Variants in MTHFD2L observed in about 807,000 individuals in gnomAD.
The protein encoded by MTHFD2L is methylenetetrahydrofolate dehydrogenase (NADP+ dependent) 2 like.
MTHFD2L carries 29 observed loss-of-function variants against 34.9 expected under a neutral mutation model. The observed-to-expected ratio is 0.83, with a 90% CI of 0.62 to 1.13. The LOEUF is 1.13. Among genes scored for constraint, MTHFD2L ranks in the 50% most tolerant of loss-of-function variants. The pLI, the probability that MTHFD2L is intolerant of heterozygous loss-of-function variation, is 0.00. For synonymous variants in MTHFD2L, 167 were observed against 155.7 expected (o/e 1.07, Z -0.54); for missense variants, 481 against 446.5 (o/e 1.08, Z -0.70).
chr4:74,269,472 TAATG>T (rs935467854), intron 6 of MTHFD2L, among the ~76,000 whole-genome samples: 1 of 152,018 alleles, frequency 6.6e-6, no homozygotes, highest in African/African-American at 2.4e-5. Flanking sequence ...CTAAATATCA[TAATG>T]GGAGTTTACA....
intron 6 of MTHFD2L, among the ~76,000 whole-genome samples, chr4:74,259,589 C>T (rs1024211687): frequency 1.3e-5 from 2 of 152,182 alleles, no homozygotes; most frequent in Non-Finnish European, 2.9e-5. Context: ...ATAGTTCTTC[C>T]TAAGAGAAGT....
At position 74,175,366 on chromosome 4, in the gene MTHFD2L, A is replaced by G; in HGVS notation, c.414A>G (p.Pro138=). 6.2e-7 allele frequency: 1 copy of G among 1,612,892 alleles called. No homozygotes were observed. The highest frequency in any genetic ancestry group is 8.5e-7 in the Non-Finnish European group (1 of 1,179,222). Residue 138 remains proline (P), a synonymous_variant, in exon 3 of 8, where the codon CCA becomes CCG. Coordinates refer to ENST00000325278, the MANE Select transcript of MTHFD2L (RefSeq NM_001144978.3). The part of the protein sequence containing the change: ...LDVTDQLNMD[P]RVSGILVQLP... The stretch of plus-strand genomic sequence containing the variant: ...TAACTGATCAATTGAATATGGACCC[A>G]AGAGTCAGCGGTATATTAGTTCAGT...
intron 1 of MTHFD2L, among the ~76,000 whole-genome samples, chr4:74,167,570 A>G (rs1289546146): frequency 6.6e-6 from 1 of 152,218 alleles, no homozygotes; most frequent in African/African-American, 2.4e-5. Context: ...CCCAGGGTAC[A>G]GGGTTGGGAA....
At chr4:74,212,546 G>A (rs10034906) in intron 5 of MTHFD2L, among the ~76,000 whole-genome samples, 7,911 of 152,218 alleles carry the variant, frequency 0.052, 456 homozygotes, top group African/African-American at 0.14. Context: ...TGATTGCACT[G>A]GGGTCTGAGA....
intron 3 of MTHFD2L, among the ~76,000 whole-genome samples, chr4:74,189,713 A>T (rs955742897): frequency 6.6e-6 from 1 of 152,050 alleles, no homozygotes; most frequent in Non-Finnish European, 1.5e-5. Context: ...TTGTTATATC[A>T]TCTAACTTGA....
intron 7 of MTHFD2L, among the ~76,000 whole-genome samples, chr4:74,290,170 A>T (rs181018059): frequency 6.6e-6 from 1 of 152,224 alleles, no homozygotes; most frequent in Non-Finnish European, 1.5e-5. Flanking sequence ...TTGAGACTCC[A>T]TCTGGCGAAA....
chr4:74,280,399 C>T (rs1006084725), intron 6 of MTHFD2L: 1 of 152,116 alleles, frequency 6.6e-6, no homozygotes, highest in Admixed American at 6.6e-5. Flanking sequence ...CAGTTGACAG[C>T]CTTAGCTATG....
chr4:74,148,097 C>T (rs1231377607), intron 1 of MTHFD2L, among the ~76,000 whole-genome samples: 1 of 151,984 alleles, frequency 6.6e-6, no homozygotes, highest in Non-Finnish European at 1.5e-5. Context: ...TCCAGTTTTC[C>T]TAACACCATT....
chr4:74,218,027 G>A (rs112096146), intron 5 of MTHFD2L, among the ~76,000 whole-genome samples: 2,920 of 152,132 alleles, frequency 0.019, 92 homozygotes, highest in African/African-American at 0.067. Context: ...TTCTAACATG[G>A]AACCTAGCAC....
intron 3 of MTHFD2L, chr4:74,190,360 GC>G (rs1443539662): frequency 4.7e-6 from 2 of 425,732 alleles, no homozygotes; most frequent in African/African-American, 4.3e-5. Flanking sequence ...AGCAACCTTT[GC>G]GTGATGTGTA....
In MTHFD2L at chr4:74,200,150, A is replaced by G. The variant is rs1473084622; in HGVS notation, c.604+204A>G. 2.0e-5 allele frequency among the ~76,000 whole-genome samples: 3 copies of G among 152,240 alleles called. No homozygotes were observed. The South Asian group carries it at 6.2e-4, about 32-fold the overall frequency. ...ACACAGTAAAACCCTGTCTCTACTAAAAATACAAAAAATTAGCCAGGTGTG... is the reference window on the plus strand; with the variant it reads ...ACACAGTAAAACCCTGTCTCTACTAGAAATACAAAAAATTAGCCAGGTGTG... On this transcript the variant is annotated intron_variant, in intron 4 of 7. Coordinates refer to ENST00000325278, the MANE Select transcript of MTHFD2L (RefSeq NM_001144978.3).
At chr4:74,254,762 G>T (rs2110207581) in intron 6 of MTHFD2L, among the ~76,000 whole-genome samples, 1 of 152,214 alleles carries the variant, frequency 6.6e-6, no homozygotes, top group African/African-American at 2.4e-5. Context: ...CTCTAACAGT[G>T]GTGTGTAAAT....
chr4:74,205,881 A>T (rs1192033760), intron 5 of MTHFD2L, among the ~76,000 whole-genome samples: 1 of 152,110 alleles, frequency 6.6e-6, no homozygotes, highest in Non-Finnish European at 1.5e-5. Context: ...TTAAATTTTA[A>T]ATAGTCAGTG....
chr4:74,120,837 T>A (rs1721742400), upstream of MTHFD2L, among the ~76,000 whole-genome samples: 1 of 152,158 alleles, frequency 6.6e-6, no homozygotes, highest in South Asian at 2.1e-4. Flanking sequence ...GAGACTTCTT[T>A]TAGAAAAACA....
At chr4:74,199,452 A>G (rs1734034509) in intron 3 of MTHFD2L, among the ~76,000 whole-genome samples, 1 of 152,172 alleles carries the variant, frequency 6.6e-6, no homozygotes, top group African/African-American at 2.4e-5. Flanking sequence ...TGTGGATTCA[A>G]ACCCTGTAAA....
chr4:74,153,807 A>G (rs188400046), upstream of MTHFD2L, among the ~76,000 whole-genome samples: 94 of 152,296 alleles, frequency 6.2e-4, no homozygotes, highest in African/African-American at 1.9e-3. Flanking sequence ...AAATTCAGAA[A>G]ATAGTACTGA....
At chr4:74,155,801 C>T (rs1219840212), upstream of MTHFD2L, among the ~76,000 whole-genome samples, 2 of 151,586 alleles carry the variant, frequency 1.3e-5, no homozygotes, top group African/African-American at 4.8e-5. Context: ...AAGAATATTT[C>T]CTTACCACAA....
intron 1 of MTHFD2L, among the ~76,000 whole-genome samples, chr4:74,166,206 G>A (rs13107530): frequency 6.6e-6 from 1 of 152,210 alleles, no homozygotes; most frequent in Admixed American, 6.5e-5. Flanking sequence ...GGAAACAGTG[G>A]AAGGAGGCTG....
At chr4:74,175,532 T>A in intron 3 of MTHFD2L, 129 bp downstream of exon 3, 1 of 959,264 alleles carries the variant, frequency 1.0e-6, no homozygotes, top group Non-Finnish European at 1.6e-6. Flanking sequence ...ATTTTACTAG[T>A]AATAGGTGTA....
Sources: allele counts gnomAD v4.1 joint callset (sites outside exome capture counted in the v4.1 genomes callset), GRCh38; gene constraint gnomAD v4.1.1; transcripts MANE v1.5; gene names NCBI Gene and HGNC (gene_info 2026-07-23, HGNC 2026-07-21).